Variants in NSG2 observed in about 807,000 individuals in gnomAD.
NSG2 encodes the protein neuronal vesicle trafficking associated 2, also known as neuronal vesicle trafficking-associated protein 2.
NSG2 carries 4 observed loss-of-function variants against 16.9 expected under a neutral mutation model. The observed-to-expected ratio is 0.24, with a 90% CI of 0.12 to 0.54. The LOEUF is 0.54. NSG2 is among the 20% of genes least tolerant of loss of function. NSG2 has a pLI of 0.95. For synonymous variants in NSG2, 98 were observed against 88.7 expected (o/e 1.11, Z -0.59); for missense variants, 179 against 221.1 (o/e 0.81, Z 1.21).
intron 3 of NSG2, among the ~76,000 whole-genome samples, chr5:174,097,288 AT>A (rs907297642): frequency 6.6e-6 from 1 of 152,022 alleles, no homozygotes; most frequent in Non-Finnish European, 1.5e-5. Context: ...CCAAACCCTG[AT>A]TCTCCTCAAG....
chr5:174,103,887 C>T (rs1158138973), intron 3 of NSG2, among the ~76,000 whole-genome samples: 3 of 152,184 alleles, frequency 2.0e-5, no homozygotes, highest in African/African-American at 7.2e-5. Context: ...AGCACTTGAA[C>T]CTGGGAGGTG....
At chr5:174,086,479 T>C (rs1760624373) in intron 3 of NSG2, 1 of 152,212 alleles carries the variant, frequency 6.6e-6, no homozygotes, top group African/African-American at 2.4e-5. Context: ...GCAGCTGCTG[T>C]CCCCTGTCAA....
At chr5:174,053,182 C>G (rs1759918727) in intron 2 of NSG2, among the ~76,000 whole-genome samples, 1 of 152,194 alleles carries the variant, frequency 6.6e-6, no homozygotes, top group Non-Finnish European at 1.5e-5. Flanking sequence ...AGCCCTAAAA[C>G]AGGCAATAAT....
Position 174,107,724 on chromosome 5 carries a change from G to C in NSG2, c.*219G>C. 1 of 694,734 alleles carries C rather than the reference G, an allele frequency of 1.4e-6. No individual in the cohort carries two copies. The highest frequency in any genetic ancestry group is 2.6e-6 in the Non-Finnish European group (1 of 380,758). The allele number at this position is 694,734 out of a possible 1,614,324, so 43.0% of individuals were successfully genotyped here. ...CTTGGTATTGTTGATTCGTCGCCGAGTCAGGCTCATGTACAAAGGCATGTT... is the reference window on the plus strand; with the variant it reads ...CTTGGTATTGTTGATTCGTCGCCGACTCAGGCTCATGTACAAAGGCATGTT... On this transcript the variant is annotated 3_prime_UTR_variant, in exon 5 of 5. Coordinates refer to ENST00000303177, the MANE Select transcript of NSG2 (RefSeq NM_015980.5). The surrounding 1 kb of genome is among the most constrained non-coding windows in gnomAD (Gnocchi z 4.5).
chr5:174,107,459 C>G lies in NSG2; in HGVS notation c.470C>G (p.Ala157Gly), dbSNP rs1357493699. The G allele has an allele frequency of 1.9e-6, 3 of 1,612,218 alleles. No individual in the cohort carries two copies. The highest frequency in any genetic ancestry group is 1.7e-6 in the Non-Finnish European group (2 of 1,178,676). ...GCCATCGGGCCGTGGCTGTCAGCAGCCGCTGTCATCCATGAGCCCAAGCCG... is the reference window on the plus strand; with the variant it reads ...GCCATCGGGCCGTGGCTGTCAGCAGGCGCTGTCATCCATGAGCCCAAGCCG... ...ARAIGPWLSA[A>G]AVIHEPKPPK... Residue 157 changes from alanine to glycine, a missense_variant, in exon 5 of 5, where the codon GCC becomes GGC. Ala to Gly is a moderately conservative substitution (Grantham distance 60, BLOSUM62 0). Transcript: ENST00000303177. The surrounding 1 kb of genome is among the most constrained non-coding windows in gnomAD (Gnocchi z 4.5).
intron 3 of NSG2, among the ~76,000 whole-genome samples, chr5:174,097,406 C>T (rs1157921845): frequency 2.0e-5 from 3 of 151,350 alleles, no homozygotes; most frequent in Non-Finnish European, 4.4e-5. Flanking sequence ...CACCTGCACA[C>T]GGCACGGTTT....
chr5:174,059,390 A>T (rs775863335), intron 2 of NSG2, among the ~76,000 whole-genome samples: 1 of 152,200 alleles, frequency 6.6e-6, no homozygotes, highest in Non-Finnish European at 1.5e-5. Flanking sequence ...CAAAGCTGCT[A>T]TGAATGTTCT....
intron 3 of NSG2, among the ~76,000 whole-genome samples, chr5:174,071,619 G>A (rs561463115): frequency 3.4e-4 from 52 of 152,242 alleles, no homozygotes; most frequent in African/African-American, 1.2e-3. Flanking sequence ...TGTTTCATCC[G>A]CTCACCGATC....
chr5:174,061,576 C>G (rs892995397), intron 2 of NSG2, among the ~76,000 whole-genome samples: 2 of 152,136 alleles, frequency 1.3e-5, no homozygotes, highest in Non-Finnish European at 2.9e-5. Flanking sequence ...TTTTGTCCAC[C>G]CAGGAAACTT....
intron 3 of NSG2, among the ~76,000 whole-genome samples, chr5:174,071,202 C>A (rs1347389560): frequency 1.3e-5 from 2 of 152,188 alleles, no homozygotes; most frequent in Non-Finnish European, 2.9e-5. Flanking sequence ...GAGGGTCAGT[C>A]CTTTTTAAAC....
At chr5:174,081,295 G>C (rs1387514717) in intron 3 of NSG2, among the ~76,000 whole-genome samples, 1 of 151,896 alleles carries the variant, frequency 6.6e-6, no homozygotes. Context: ...TAATTGCAGT[G>C]GTCAGTACTT....
At chr5:174,071,500 CAGA>C (rs1760241274) in intron 3 of NSG2, among the ~76,000 whole-genome samples, 1 of 152,206 alleles carries the variant, frequency 6.6e-6, no homozygotes, top group Non-Finnish European at 1.5e-5. Context: ...ACAGCAACAA[CAGA>C]AGAACCAGTG....
intron 3 of NSG2, chr5:174,066,307 G>T (rs756672599): frequency 2.6e-5 from 12 of 455,072 alleles, no homozygotes; most frequent in South Asian, 1.9e-4. Context: ...CACAGAGCTT[G>T]CAGGAGAGGC....
intron 2 of NSG2, among the ~76,000 whole-genome samples, chr5:174,061,816 G>T (rs187262765): frequency 1.0e-3 from 158 of 151,988 alleles, no homozygotes; most frequent in African/African-American, 3.4e-3. Flanking sequence ...TGTTGGCCAG[G>T]GTGGTCTTGA....
At chr5:174,081,215 T>C (rs914286771) in intron 3 of NSG2, among the ~76,000 whole-genome samples, 3 of 152,184 alleles carry the variant, frequency 2.0e-5, no homozygotes, top group Admixed American at 6.5e-5. Flanking sequence ...GCTCCTCTTT[T>C]TCTGATATTT....
At chr5:174,046,954 A>G in intron 2 of NSG2, 70 bp downstream of exon 2, 1 of 1,529,580 alleles carries the variant, frequency 6.5e-7, no homozygotes, top group South Asian at 1.2e-5. Context: ...GCAGCAAAAA[A>G]TTCCACCCCC....
chr5:174,077,009 C>T (rs2113449849), intron 3 of NSG2, among the ~76,000 whole-genome samples: 1 of 152,152 alleles, frequency 6.6e-6, no homozygotes, highest in East Asian at 1.9e-4. Flanking sequence ...AGCAATCTCC[C>T]AGAGATTTGA....
intron 3 of NSG2, among the ~76,000 whole-genome samples, chr5:174,071,283 CG>C (rs1434762866): frequency 1.3e-5 from 2 of 152,098 alleles, no homozygotes; most frequent in African/African-American, 4.8e-5. Flanking sequence ...GGTCAGGAGA[CG>C]GAGACCATCC....
At chr5:174,058,301 C>T (rs986265275) in intron 2 of NSG2, among the ~76,000 whole-genome samples, 2 of 152,014 alleles carry the variant, frequency 1.3e-5, no homozygotes, top group Non-Finnish European at 2.9e-5. Flanking sequence ...TGTGGTGGCA[C>T]ATGCCTGTAG....
Sources: allele counts gnomAD v4.1 joint callset (sites outside exome capture counted in the v4.1 genomes callset), GRCh38; gene constraint gnomAD v4.1.1; non-coding constraint Gnocchi (gnomAD v3.1); transcripts MANE v1.5; gene names NCBI Gene and HGNC (gene_info 2026-07-23, HGNC 2026-07-21).